MPP4: variants seen among roughly 807,000 people sequenced by gnomAD.
The protein encoded by MPP4 is MAGUK p55 subfamily member 4.
In MPP4, 91 loss-of-function variants were observed where a neutral mutation model predicts 98.3. The ratio of observed to expected loss-of-function variants is 0.93; its 90% CI spans 0.78 to 1.10. The LOEUF (loss-of-function observed/expected upper bound fraction) is 1.10. Ranked by LOEUF, MPP4 falls within the 50% of genes least tolerant of loss-of-function variation. MPP4 has a pLI of 0.00. For missense variants in MPP4, 744 were observed against 792.9 expected (o/e 0.94, Z 0.74); for synonymous variants, 261 against 271.8 (o/e 0.96, Z 0.39).
At chr2:201,654,639 A>G (rs1687806370) in intron 18 of MPP4, among the ~76,000 whole-genome samples, 198 bp downstream of exon 18, 1 of 152,196 alleles carries the variant, frequency 6.6e-6, no homozygotes, top group Admixed American at 6.5e-5. Context: ...AAAAAAGAAA[A>G]AAGCCCTTTT....
rs1266958604 is a variant in MPP4, at chr2:201,653,995, G to C, written c.1381+842C>G. Reference sequence around the variant, plus strand: ...ATAAGAAAACACTTTTTTTTTTTTCGAGTCAGAATCTCACTTTCTCGCCCA... The same window carrying C: ...ATAAGAAAACACTTTTTTTTTTTTCCAGTCAGAATCTCACTTTCTCGCCCA... On this transcript the variant is annotated intron_variant, in intron 18 of 21. Coordinates refer to ENST00000409474, the MANE Select transcript of MPP4 (RefSeq NM_033066.3). 4.0e-5 allele frequency among the ~76,000 whole-genome samples: 6 copies of C among 149,074 alleles called. No individual in the cohort carries two copies. In the South Asian group the frequency reaches 1.3e-3, roughly 32 times the overall value.
intron 14 of MPP4, chr2:201,661,721 T>G (rs1688032717): frequency 4.6e-6 from 2 of 439,234 alleles, no homozygotes; most frequent in South Asian, 3.2e-5. Flanking sequence ...GTGAGGAACC[T>G]GAAGGGCAGA....
chr2:201,678,772 C>T (rs1165252223), intron 10 of MPP4, among the ~76,000 whole-genome samples: 1 of 152,048 alleles, frequency 6.6e-6, no homozygotes, highest in Non-Finnish European at 1.5e-5. Context: ...GATTATTCTT[C>T]CTCTTCCCTA....
At chr2:201,646,494 T>G (rs980325026) in intron 21 of MPP4, among the ~76,000 whole-genome samples, 23 of 152,180 alleles carry the variant, frequency 1.5e-4, no homozygotes, top group African/African-American at 4.8e-4. Flanking sequence ...CACCAAAATC[T>G]TGTGGCTTTA....
intron 1 of MPP4, among the ~76,000 whole-genome samples, chr2:201,697,044 G>A (rs540948946): frequency 6.6e-6 from 1 of 152,258 alleles, no homozygotes; most frequent in African/African-American, 2.4e-5. Context: ...AGGTCATGAG[G>A]TAGAGGCCTC....
At chr2:201,656,428 A>T in intron 16 of MPP4, 60 bp from the exon 17 acceptor site, 1 of 1,428,126 alleles carries the variant, frequency 7.0e-7, no homozygotes, top group Non-Finnish European at 9.4e-7. Context: ...TTGTAGCTTC[A>T]CACCTGATGA....
rs1002024910 is a variant in MPP4 at position 201,668,895 on chromosome 2, C to T, written c.1012+838G>A. ...TTGCCCCTCTCTCCCTCACCTTCTT[C>T]TCTTGCCCTCCTGTGTCATACACCT... is the stretch of plus-strand genomic sequence containing the variant. On this transcript the variant is annotated intron_variant, in intron 12 of 21. Transcript: ENST00000409474. Among the ~76,000 whole-genome samples the T allele has an allele frequency of 4.6e-5, 7 of 152,184 alleles. No individual in the cohort carries two copies. The East Asian group carries it at 1.2e-3, about 25-fold the overall frequency.
At chr2:201,682,682 C>G in intron 8 of MPP4, 149 bp downstream of exon 8, 1 of 607,680 alleles carries the variant, frequency 1.6e-6, no homozygotes, top group South Asian at 2.2e-5. Context: ...ACATGGGTGA[C>G]AGACAAGGTC....
At chr2:201,661,402 G>T (rs1201403644) in intron 14 of MPP4, 1 of 456,406 alleles carries the variant, frequency 2.2e-6, no homozygotes, top group Non-Finnish European at 4.4e-6. Context: ...TGAATGCCAA[G>T]GGTTCTATGC....
At chr2:201,648,142 C>T (rs1439338136) in intron 20 of MPP4, among the ~76,000 whole-genome samples, 2 of 152,218 alleles carry the variant, frequency 1.3e-5, no homozygotes, top group Non-Finnish European at 1.5e-5. Flanking sequence ...TGTGCCTCAG[C>T]CTCTCTAGTA....
In MPP4 at chr2:201,654,908, C is replaced by T. The variant is rs760552079; in HGVS notation, c.1310G>A (p.Gly437Asp). ...TCTTCTGAGCTCATTTACTCCAACACCAGAGGGTCCTAAACACAAAAAGTC... is the reference window on the plus strand; with the variant it reads ...TCTTCTGAGCTCATTTACTCCAACATCAGAGGGTCCTAAACACAAAAAGTC... ...YRLIVLMGPS[G>D]VGVNELRRQL... The change falls in exon 18 of 22, where the codon GGT becomes GAT. Residue 437 changes from glycine (G) to aspartate (D), a missense_variant. Gly to Asp is a moderately conservative substitution (Grantham distance 94). Coordinates refer to ENST00000409474, the MANE Select transcript of MPP4 (RefSeq NM_033066.3). 6.2e-7 allele frequency: 1 copy of T among 1,600,820 alleles called. No homozygotes were observed. The highest frequency in any genetic ancestry group is 8.5e-7 in the Non-Finnish European group (1 of 1,173,388).
intron 1 of MPP4, among the ~76,000 whole-genome samples, chr2:201,697,579 G>A (rs1422122238): frequency 6.6e-6 from 1 of 152,182 alleles, no homozygotes; most frequent in African/African-American, 2.4e-5. Flanking sequence ...AACAAGGAGA[G>A]GCCAAGATCC....
At chr2:201,692,798 G>T in intron 3 of MPP4, 110 bp downstream of exon 3, 1 of 1,451,188 alleles carries the variant, frequency 6.9e-7, no homozygotes, top group Non-Finnish European at 9.2e-7. Flanking sequence ...AATTTCTGTT[G>T]TTTATAAACT....
At chr2:201,659,970 C>T (rs781565167) in intron 15 of MPP4, among the ~76,000 whole-genome samples, 44 of 152,070 alleles carry the variant, frequency 2.9e-4, no homozygotes, top group Non-Finnish European at 5.7e-4. Flanking sequence ...TCAATTCCAT[C>T]TTCTGGTAAG....
At chr2:201,655,362 T>C (rs1341202417) in intron 17 of MPP4, among the ~76,000 whole-genome samples, 1 of 152,178 alleles carries the variant, frequency 6.6e-6, no homozygotes, top group Non-Finnish European at 1.5e-5. Context: ...AGCACCCCCA[T>C]GTCCGGCCGG....
At chr2:201,685,250 GTCTTTC>G in intron 6 of MPP4, 105 bp from the exon 7 acceptor site, 3 of 209,336 alleles carry the variant, frequency 1.4e-5, no homozygotes, top group Non-Finnish European at 2.3e-5. Context: ...TGCAGCTCTG[GTCTTTC>G]AATCAATGCA....
chr2:201,658,509 T>C lies in MPP4; in HGVS notation c.1097A>G (p.Glu366Gly). The change falls in exon 16 of 22, where the codon GAG becomes GGG. Residue 366 changes from glutamate (E) to glycine (G), a missense_variant. By Grantham distance (98) the Glu-to-Gly change is moderately conservative (BLOSUM62 -2). Coordinates refer to ENST00000409474, the MANE Select transcript of MPP4 (RefSeq NM_033066.3). Reference sequence around the variant, plus strand: ...GAACTTCTGACCGTAGCCAACAAACTCCTCCTTGTCTGAAACACAAAGAAC... The same window carrying C: ...GAACTTCTGACCGTAGCCAACAAACCCCTCCTTGTCTGAAACACAAAGAAC... ...ESEELSEDKE[E>G]FVGYGQKFFI... 6.2e-7 allele frequency: 1 copy of C among 1,612,902 alleles called. No individual in the cohort carries two copies. Among genetic ancestry groups the C allele is most frequent in the Non-Finnish European group, 8.5e-7 (1 of 1,179,452 alleles).
intron 16 of MPP4, among the ~76,000 whole-genome samples, chr2:201,657,894 C>T (rs1687902997): frequency 6.6e-6 from 1 of 151,934 alleles, no homozygotes; most frequent in Admixed American, 6.6e-5. Context: ...CTCTGCTCAG[C>T]TCTACCTAAT....
chr2:201,682,829 A>T lies in MPP4; in HGVS notation c.660+2T>A. 10 of 1,613,446 alleles carry T rather than the reference A, an allele frequency of 6.2e-6. No individual in the cohort carries two copies. Among genetic ancestry groups the T allele is most frequent in the Non-Finnish European group, 8.5e-6 (10 of 1,179,470 alleles). The stretch of plus-strand genomic sequence containing the variant: ...TAACAAAAAGGCAAAAAGAAGATTT[A>T]CCAGAATATGGATCACTTGTTCAGG... On this transcript the variant is annotated splice_donor_variant, in intron 8 of 21. Coordinates refer to ENST00000409474, the MANE Select transcript of MPP4 (RefSeq NM_033066.3). LOFTEE classifies it high-confidence loss of function.
Sources: gnomAD v4.1 joint callset for allele counts (sites outside exome capture counted in the v4.1 genomes callset) on GRCh38, gnomAD v4.1.1 for gene constraint, MANE v1.5 for transcripts, NCBI Gene and HGNC (gene_info 2026-07-23, HGNC 2026-07-21) for gene names.